The following MYO5B variants were observed in gnomAD, a reference collection of about 807,000 sequenced individuals.
The protein encoded by MYO5B is unconventional myosin-Vb.
In MYO5B, 143 loss-of-function variants were observed where a neutral mutation model predicts 229.3. That is an observed-to-expected ratio of 0.62 (90% CI 0.54 to 0.72). The LOEUF is 0.72. Among genes scored for constraint, MYO5B ranks in the 30% least tolerant of loss-of-function variants. The pLI is 0.00. For missense variants in MYO5B, 2,321 were observed against 2,331.0 expected, an observed-to-expected ratio of 1.00 and a Z score of 0.09; for synonymous variants, 918 against 885.2, an observed-to-expected ratio of 1.04 and a Z score of -0.66.
chr18:50,052,064 G>T (rs1042636563), intron 2 of MYO5B, among the ~76,000 whole-genome samples: 1 of 152,184 alleles, frequency 6.6e-6, no homozygotes, highest in Admixed American at 6.5e-5. Context: ...AACAGGTGCT[G>T]GAGAGGATGT....
intron 10 of MYO5B, among the ~76,000 whole-genome samples, chr18:49,966,515 A>G (rs533268684): frequency 1.3e-3 from 196 of 152,274 alleles, no homozygotes; most frequent in Middle Eastern, 6.8e-3. Flanking sequence ...CCCTGAGAGA[A>G]GCTGCTGATG....
chr18:49,851,962 T>C (rs769781334), intron 31 of MYO5B, among the ~76,000 whole-genome samples: 1 of 151,664 alleles, frequency 6.6e-6, no homozygotes, highest in Non-Finnish European at 1.5e-5. Flanking sequence ...CTGGAAGGAG[T>C]CTCTCAGCAG....
intron 1 of MYO5B, among the ~76,000 whole-genome samples, chr18:50,138,812 A>G (rs1291099236): frequency 6.6e-6 from 1 of 152,182 alleles, no homozygotes; most frequent in Non-Finnish European, 1.5e-5. Context: ...GGAAATTTCC[A>G]TGTATTTGCT....
chr18:50,100,417 T>C (rs1366468854), intron 1 of MYO5B, among the ~76,000 whole-genome samples: 1 of 152,194 alleles, frequency 6.6e-6, no homozygotes, highest in Non-Finnish European at 1.5e-5. Flanking sequence ...CATCTATTAC[T>C]GCAAGTCAAC....
At chr18:50,180,358 T>C (rs916289604) in intron 1 of MYO5B, among the ~76,000 whole-genome samples, 1 of 152,040 alleles carries the variant, frequency 6.6e-6, no homozygotes, top group African/African-American at 2.4e-5. Flanking sequence ...GCCTGAGGGG[T>C]GTCCTAGACT....
At chr18:50,041,358 A>T (rs183390793) in intron 2 of MYO5B, among the ~76,000 whole-genome samples, 2 of 152,314 alleles carry the variant, frequency 1.3e-5, no homozygotes, top group East Asian at 3.9e-4. Context: ...TTTTCAAGAT[A>T]ATATAAATAT....
At chr18:50,114,301 C>A (rs1403624251) in intron 1 of MYO5B, among the ~76,000 whole-genome samples, 1 of 152,156 alleles carries the variant, frequency 6.6e-6, no homozygotes, top group Non-Finnish European at 1.5e-5. Flanking sequence ...GGAGAATGCA[C>A]AGAAAGTCAA....
At chr18:50,080,387 A>G (rs1568098744) in intron 1 of MYO5B, among the ~76,000 whole-genome samples, 1 of 152,148 alleles carries the variant, frequency 6.6e-6, no homozygotes, top group Admixed American at 6.5e-5. Context: ...CCTGAAAGCA[A>G]ATCTACAGGC....
chr18:50,085,065 G>C (rs1204332213), intron 1 of MYO5B, among the ~76,000 whole-genome samples: 2 of 152,068 alleles, frequency 1.3e-5, no homozygotes, highest in Non-Finnish European at 2.9e-5. Flanking sequence ...CTGACAAATG[G>C]GATCTAATTA....
intron 27 of MYO5B, among the ~76,000 whole-genome samples, chr18:49,870,882 T>C (rs1055474959): frequency 5.9e-5 from 9 of 152,186 alleles, no homozygotes; most frequent in African/African-American, 1.2e-4. Flanking sequence ...GAAAACAGTA[T>C]AGCAGTTCCT....
At chr18:50,103,480 G>A (rs549455770) in intron 1 of MYO5B, among the ~76,000 whole-genome samples, 3 of 152,238 alleles carry the variant, frequency 2.0e-5, no homozygotes, top group African/African-American at 7.2e-5. Flanking sequence ...CTGGGTATGT[G>A]GGCTCATGCC....
chr18:49,999,940 T>C (rs2026027807), intron 5 of MYO5B, among the ~76,000 whole-genome samples: 1 of 152,258 alleles, frequency 6.6e-6, no homozygotes, highest in African/African-American at 2.4e-5. Context: ...TACAAATGCC[T>C]TCAACTGTAT....
intron 18 of MYO5B, among the ~76,000 whole-genome samples, chr18:49,910,794 T>C (rs2024949209): frequency 6.6e-6 from 1 of 152,166 alleles, no homozygotes; most frequent in Non-Finnish European, 1.5e-5. Flanking sequence ...GATGGATAGA[T>C]TTTCCGAACA....
intron 1 of MYO5B, among the ~76,000 whole-genome samples, chr18:50,085,929 G>C (rs1031484754): frequency 8.5e-5 from 13 of 152,104 alleles, no homozygotes; most frequent in South Asian, 4.2e-4. Flanking sequence ...GTGGGGAGAG[G>C]GGGGAGGGAT....
chr18:49,864,150 GC>G lies in MYO5B; in HGVS notation c.3833del (p.Gly1278AlafsTer46). 3.7e-6 allele frequency: 6 copies of G among 1,609,134 alleles called. No homozygotes were observed. Among genetic ancestry groups the G allele is most frequent in the Non-Finnish European group, 4.2e-6 (5 of 1,179,898 alleles). On this transcript the variant is annotated frameshift_variant, in exon 28 of 40. Coordinates refer to ENST00000285039, the MANE Select transcript of MYO5B (RefSeq NM_001080467.3). LOFTEE classifies it high-confidence loss of function. ...GCCGCCATCTTGTTACCGCGTTCCT[GC>G]CGGCGAGTCGCCGCTGGTCGGCGCT... The part of the protein sequence containing the change: ...IVSADQRRLA[G>X]RNAEPNINAR...
intron 12 of MYO5B, among the ~76,000 whole-genome samples, chr18:49,961,906 T>C (rs1330691860): frequency 6.6e-6 from 1 of 152,208 alleles, no homozygotes; most frequent in African/African-American, 2.4e-5. Flanking sequence ...GCATTAGCAA[T>C]CCCAGACTTT....
intron 18 of MYO5B, among the ~76,000 whole-genome samples, chr18:49,911,811 G>GAGAGGAGC (rs2024960859): frequency 6.6e-6 from 1 of 152,162 alleles, no homozygotes; most frequent in African/African-American, 2.4e-5. Flanking sequence ...TGGTGCCCTC[G>GAGAGGAGC]AGAGGAGCGC....
chr18:50,024,656 G>A (rs2026311652), intron 4 of MYO5B, among the ~76,000 whole-genome samples: 1 of 152,198 alleles, frequency 6.6e-6, no homozygotes. Flanking sequence ...GCAGGAGCCA[G>A]GAAGGTTCAA....
intron 12 of MYO5B, among the ~76,000 whole-genome samples, chr18:49,956,877 A>T (rs560339328): frequency 6.6e-6 from 1 of 152,260 alleles, no homozygotes; most frequent in East Asian, 1.9e-4. Context: ...AGGCAAATCC[A>T]TACAGAAAGA....
Sources: gnomAD v4.1 joint callset for allele counts (sites outside exome capture counted in the v4.1 genomes callset) on GRCh38, gnomAD v4.1.1 for gene constraint, MANE v1.5 for transcripts, NCBI Gene and HGNC (gene_info 2026-07-23, HGNC 2026-07-21) for gene names.